DLG2: variants seen among roughly 807,000 people sequenced by gnomAD.
DLG2 encodes discs large MAGUK scaffold protein 2, also known as disks large homolog 2.
A neutral mutation model predicts 132.5 loss-of-function variants in DLG2; 45 were observed. The observed-to-expected ratio is 0.34, with a 90% CI of 0.27 to 0.44. The LOEUF (loss-of-function observed/expected upper bound fraction) is 0.44. DLG2 is among the 20% of genes least tolerant of loss of function. The probability of loss-of-function intolerance (pLI) is 1.00; values close to 1 mark genes in which losing one functional copy is unlikely to be tolerated. For synonymous variants in DLG2, 424 were observed against 419.6 expected, an observed-to-expected ratio of 1.01 and a Z score of -0.13; for missense variants, 1,045 against 1,196.9, an observed-to-expected ratio of 0.87 and a Z score of 1.87.
At chr11:83,938,056 T>C (rs143635698) in intron 14 of DLG2, among the ~76,000 whole-genome samples, 1 of 152,212 alleles carries the variant, frequency 6.6e-6, no homozygotes, top group African/African-American at 2.4e-5. Flanking sequence ...CAAAACAGAA[T>C]AAAACAAAAC....
chr11:85,467,813 T>C (rs1197391740), intron 3 of DLG2, among the ~76,000 whole-genome samples: 4 of 152,240 alleles, frequency 2.6e-5, no homozygotes, highest in Admixed American at 1.3e-4. Flanking sequence ...ATCAGGATGA[T>C]GCTGGCTTCA....
intron 3 of DLG2, among the ~76,000 whole-genome samples, chr11:85,404,602 G>A (rs1213186351): frequency 6.6e-6 from 1 of 151,882 alleles, no homozygotes; most frequent in Non-Finnish European, 1.5e-5. Context: ...ATGGTGGAAG[G>A]AGAGTACAGG....
chr11:84,874,099 T>C (rs1300639168), intron 6 of DLG2, among the ~76,000 whole-genome samples: 1 of 152,192 alleles, frequency 6.6e-6, no homozygotes, highest in Admixed American at 6.5e-5. Context: ...ATGAAAATTA[T>C]TGGTCTCAAC....
At chr11:83,865,576 A>G (rs1595645846) in intron 16 of DLG2, among the ~76,000 whole-genome samples, 1 of 152,142 alleles carries the variant, frequency 6.6e-6, no homozygotes, top group South Asian at 2.1e-4. Flanking sequence ...GAAAATACAG[A>G]AAATAAAAGG....
chr11:84,760,881 G>A (rs1392075791), intron 6 of DLG2, among the ~76,000 whole-genome samples: 1 of 152,096 alleles, frequency 6.6e-6, no homozygotes, highest in Non-Finnish European at 1.5e-5. Context: ...CAACTCCAGG[G>A]GAAGACCACC....
chr11:84,969,878 G>A (rs547338906), intron 6 of DLG2, among the ~76,000 whole-genome samples: 1 of 152,314 alleles, frequency 6.6e-6, no homozygotes. Context: ...GGACATGGAT[G>A]AAGGTGGAAA....
chr11:83,886,014 T>C (rs991457207), intron 15 of DLG2, among the ~76,000 whole-genome samples: 5 of 152,192 alleles, frequency 3.3e-5, no homozygotes, highest in Admixed American at 1.3e-4. Flanking sequence ...GTAAAGATCA[T>C]CGAGGCTAGG....
intron 19 of DLG2, among the ~76,000 whole-genome samples, chr11:83,559,874 G>A (rs1203716734): frequency 6.6e-6 from 1 of 152,174 alleles, no homozygotes; most frequent in Non-Finnish European, 1.5e-5. Flanking sequence ...AAGGGTACTG[G>A]AAGGAACCTG....
At chr11:84,260,416 T>C (rs2097535822) in intron 7 of DLG2, among the ~76,000 whole-genome samples, 1 of 152,200 alleles carries the variant, frequency 6.6e-6, no homozygotes, top group Admixed American at 6.5e-5. Context: ...TTACACTTAG[T>C]ATAAAAGGCT....
At chr11:84,739,650 C>T (rs1242225960) in intron 6 of DLG2, among the ~76,000 whole-genome samples, 1 of 152,118 alleles carries the variant, frequency 6.6e-6, no homozygotes. Flanking sequence ...AAACATAAAA[C>T]TACCTGGCTA....
intron 6 of DLG2, among the ~76,000 whole-genome samples, chr11:85,104,783 G>A (rs539049413): frequency 1.7e-4 from 24 of 143,638 alleles, no homozygotes; most frequent in Non-Finnish European, 2.9e-4. Flanking sequence ...AACAATAAGA[G>A]CACAAACAAA....
intron 8 of DLG2, among the ~76,000 whole-genome samples, chr11:84,230,942 A>G (rs2097083868): frequency 6.6e-6 from 1 of 152,226 alleles, no homozygotes; most frequent in Non-Finnish European, 1.5e-5. Context: ...GATACTAATA[A>G]TACTGTTCAG....
At chr11:84,254,283 C>T (rs997182525) in intron 7 of DLG2, among the ~76,000 whole-genome samples, 1 of 152,068 alleles carries the variant, frequency 6.6e-6, no homozygotes, top group African/African-American at 2.4e-5. Context: ...AAATTTTATA[C>T]ATACGCCTAT....
intron 6 of DLG2, among the ~76,000 whole-genome samples, chr11:84,772,222 TA>T (rs2069545704): frequency 6.6e-6 from 1 of 151,930 alleles, no homozygotes; most frequent in South Asian, 2.1e-4. Flanking sequence ...CCAGAAGACT[TA>T]ACTATCCTCA....
At chr11:84,245,882 T>C (rs188417720) in intron 8 of DLG2, among the ~76,000 whole-genome samples, 2 of 152,332 alleles carry the variant, frequency 1.3e-5, no homozygotes, top group African/African-American at 4.8e-5. Context: ...TAGTTTATTG[T>C]TTAGCAAATA....
At chr11:85,079,158 T>C (rs479786) in intron 6 of DLG2, among the ~76,000 whole-genome samples, 15 of 152,166 alleles carry the variant, frequency 9.9e-5, no homozygotes, top group African/African-American at 3.6e-4. Flanking sequence ...ATTTTCTGAT[T>C]GGCAATTGTT....
At chr11:84,896,711 T>A (rs1000519994) in intron 6 of DLG2, among the ~76,000 whole-genome samples, 1 of 151,964 alleles carries the variant, frequency 6.6e-6, no homozygotes, top group African/African-American at 2.4e-5. Flanking sequence ...AATAGATGAG[T>A]ACAATATAGT....
At chr11:84,134,588 A>G (rs2094533102) in intron 9 of DLG2, among the ~76,000 whole-genome samples, 2 of 152,034 alleles carry the variant, frequency 1.3e-5, no homozygotes, top group African/African-American at 2.4e-5. Flanking sequence ...TCAGCAGGGA[A>G]CTAGGTACAG....
At chr11:84,967,489 T>C (rs906562000) in intron 6 of DLG2, among the ~76,000 whole-genome samples, 12 of 152,132 alleles carry the variant, frequency 7.9e-5, no homozygotes, top group African/African-American at 2.9e-4. Flanking sequence ...TAATTTTCTC[T>C]TATACCAAGA....
Sources: allele counts gnomAD v4.1 joint callset (sites outside exome capture counted in the v4.1 genomes callset), GRCh38; gene constraint gnomAD v4.1.1; transcripts MANE v1.5; gene names NCBI Gene and HGNC (gene_info 2026-07-23, HGNC 2026-07-21).